The following GRIK3 variants were observed in gnomAD, a reference collection of about 807,000 sequenced individuals.
GRIK3 encodes the protein glutamate ionotropic receptor kainate type subunit 3, also known as glutamate receptor ionotropic, kainate 3.
GRIK3 carries 29 observed loss-of-function variants against 102.5 expected under a neutral mutation model. The observed-to-expected ratio is 0.28, with a 90% CI of 0.21 to 0.39. GRIK3 has a LOEUF of 0.39. Ranked by LOEUF, GRIK3 falls within the 10% of genes least tolerant of loss-of-function variation. The pLI, the probability that GRIK3 is intolerant of heterozygous loss-of-function variation, is 1.00. For missense variants in GRIK3, 908 were observed against 1,252.4 expected (o/e 0.73, Z 4.15); for synonymous variants, 511 against 504.9 (o/e 1.01, Z -0.16).
At chr1:36,904,247 A>G (rs763038890) in intron 1 of GRIK3, among the ~76,000 whole-genome samples, 1 of 152,266 alleles carries the variant, frequency 6.6e-6, no homozygotes, top group Non-Finnish European at 1.5e-5. Flanking sequence ...TTAAGTGTGT[A>G]CGCGTGTGCA....
At chr1:36,904,475 G>A (rs897856899) in intron 1 of GRIK3, among the ~76,000 whole-genome samples, 2 of 152,014 alleles carry the variant, frequency 1.3e-5, no homozygotes, top group African/African-American at 4.8e-5. Flanking sequence ...GTGTTTAAAG[G>A]GAAATAAATG....
At chr1:36,937,778 T>C (rs926786320) in intron 1 of GRIK3, among the ~76,000 whole-genome samples, 4 of 152,162 alleles carry the variant, frequency 2.6e-5, no homozygotes, top group Non-Finnish European at 4.4e-5. Context: ...AAGTGTCCCA[T>C]CAATTCGTAA....
At chr1:36,987,424 A>C (rs1319791241) in intron 1 of GRIK3, among the ~76,000 whole-genome samples, 1 of 152,198 alleles carries the variant, frequency 6.6e-6, no homozygotes, top group African/African-American at 2.4e-5. Context: ...GAGGTGAGGC[A>C]GGGAAGGGAA....
chr1:36,870,556 G>T (rs144246018), intron 4 of GRIK3, among the ~76,000 whole-genome samples: 1 of 152,150 alleles, frequency 6.6e-6, no homozygotes, highest in Non-Finnish European at 1.5e-5. Flanking sequence ...ATTCCCTCCC[G>T]CCTTTGAAGA....
chr1:36,982,591 A>G (rs965991735), intron 1 of GRIK3, among the ~76,000 whole-genome samples: 13 of 152,204 alleles, frequency 8.5e-5, no homozygotes, highest in African/African-American at 3.1e-4. Context: ...GACTTACTTA[A>G]GGGAAAAATC....
intron 1 of GRIK3, among the ~76,000 whole-genome samples, chr1:36,934,625 T>C (rs1260311875): frequency 2.0e-5 from 3 of 152,188 alleles, no homozygotes; most frequent in South Asian, 4.1e-4. Flanking sequence ...CAAATAGTAA[T>C]TAGATGTGAA....
chr1:36,904,842 T>G (rs575026709), intron 1 of GRIK3, among the ~76,000 whole-genome samples: 1 of 152,310 alleles, frequency 6.6e-6, no homozygotes, highest in South Asian at 2.1e-4. Context: ...ATTACGCTAC[T>G]CTCTCTGTGT....
At chr1:36,843,247 G>A (rs1432433954) in intron 9 of GRIK3, among the ~76,000 whole-genome samples, 1 of 152,126 alleles carries the variant, frequency 6.6e-6, no homozygotes, top group Non-Finnish European at 1.5e-5. Flanking sequence ...GCAAGTCCAC[G>A]CTTTTGCCGG....
intron 1 of GRIK3, among the ~76,000 whole-genome samples, chr1:36,964,110 C>T (rs1255864933): frequency 1.3e-5 from 2 of 152,202 alleles, no homozygotes; most frequent in Non-Finnish European, 2.9e-5. Context: ...CTGGCCTGGG[C>T]AAGAAGAGAG....
chr1:36,986,079 C>A (rs1642301214), intron 1 of GRIK3, among the ~76,000 whole-genome samples: 1 of 152,056 alleles, frequency 6.6e-6, no homozygotes, highest in Non-Finnish European at 1.5e-5. Flanking sequence ...AAGAAGGGAC[C>A]CCACCCTTCA....
At chr1:36,936,974 C>A (rs945851207) in intron 1 of GRIK3, among the ~76,000 whole-genome samples, 5 of 152,174 alleles carry the variant, frequency 3.3e-5, no homozygotes, top group Non-Finnish European at 5.9e-5. Flanking sequence ...ATCCCCGCCA[C>A]CCACAGAGTG....
intron 5 of GRIK3, among the ~76,000 whole-genome samples, chr1:36,868,836 C>T (rs547015440): frequency 4.6e-5 from 7 of 152,274 alleles, no homozygotes; most frequent in Admixed American, 4.6e-4. Flanking sequence ...TTCCACCAGA[C>T]CCTCAGAACC....
intron 3 of GRIK3, among the ~76,000 whole-genome samples, chr1:36,878,313 G>C (rs1640931077): frequency 6.6e-6 from 1 of 152,242 alleles, no homozygotes; most frequent in East Asian, 1.9e-4. Context: ...ATGCTGGGGT[G>C]AATAAGCCAG....
At chr1:36,856,940 T>A (rs1383697023) in intron 7 of GRIK3, among the ~76,000 whole-genome samples, 1 of 151,954 alleles carries the variant, frequency 6.6e-6, no homozygotes, top group African/African-American at 2.4e-5. Flanking sequence ...GTAGCGATAG[T>A]GGAAGTAACA....
chr1:36,814,492 A>G (rs78656964), intron 13 of GRIK3, among the ~76,000 whole-genome samples: 2 of 145,952 alleles, frequency 1.4e-5, no homozygotes, highest in East Asian at 4.3e-4. Context: ...TGCATGGACC[A>G]TTATACACAT....
chr1:36,946,941 A>G (rs1641791045), intron 1 of GRIK3, among the ~76,000 whole-genome samples: 1 of 152,166 alleles, frequency 6.6e-6, no homozygotes, highest in Non-Finnish European at 1.5e-5. Flanking sequence ...AAGGGGTAAG[A>G]AAGGACAGAG....
Position 37,034,090 on chromosome 1 carries a change from G to C in GRIK3, c.19C>G (p.Arg7Gly). 12 of 1,584,834 alleles carry C rather than the reference G, an allele frequency of 7.6e-6. No homozygotes were observed. The highest frequency in any genetic ancestry group is 1.0e-5 in the Non-Finnish European group (12 of 1,166,146). Residue 7 changes from arginine to glycine, a missense_variant, in exon 1 of 16, where the codon CGC (arginine) becomes GGC (glycine). By Grantham distance (125) the Arg-to-Gly change is moderately radical. Transcript: ENST00000373091. ...TATTCCCAAACCAGACTCCGGAGGC[G>C]CCGCCAGGGAGCGGTCATCGTTGGG... MTAPWR[R>G]LRSLVWEYWA...
chr1:37,022,012 C>G (rs1208601224), intron 1 of GRIK3, among the ~76,000 whole-genome samples: 1 of 152,210 alleles, frequency 6.6e-6, no homozygotes, highest in Non-Finnish European at 1.5e-5. Flanking sequence ...TGCAAGGACA[C>G]AAAAACATGT....
At chr1:36,989,169 G>A (rs1055549383) in intron 1 of GRIK3, among the ~76,000 whole-genome samples, 2 of 151,974 alleles carry the variant, frequency 1.3e-5, no homozygotes, top group African/African-American at 4.8e-5. Context: ...CCATGGTCCC[G>A]CAACCAAGTA....
Sources: allele counts gnomAD v4.1 joint callset (sites outside exome capture counted in the v4.1 genomes callset), GRCh38; gene constraint gnomAD v4.1.1; transcripts MANE v1.5; gene names NCBI Gene and HGNC (gene_info 2026-07-23, HGNC 2026-07-21).